Variants in DYNC1I1 observed in about 807,000 individuals in gnomAD.
DYNC1I1 encodes cytoplasmic dynein 1 intermediate chain 1.
In DYNC1I1, 43 loss-of-function variants were observed where a neutral mutation model predicts 86.6. The ratio of observed to expected loss-of-function variants is 0.50; its 90% CI spans 0.39 to 0.64. The LOEUF (loss-of-function observed/expected upper bound fraction) is 0.64, where lower values mean the gene tolerates loss of function less well. Among genes scored for constraint, DYNC1I1 ranks in the 30% least tolerant of loss-of-function variants. The pLI, the probability that DYNC1I1 is intolerant of heterozygous loss-of-function variation, is 0.00. For missense variants in DYNC1I1, 604 were observed against 788.8 expected (o/e 0.77, Z 2.81); for synonymous variants, 262 against 283.7 (o/e 0.92, Z 0.77).
intron 10 of DYNC1I1, among the ~76,000 whole-genome samples, chr7:96,010,337 G>A (rs1276013134): frequency 1.3e-5 from 2 of 152,164 alleles, no homozygotes; most frequent in African/African-American, 2.4e-5. Context: ...TTGGAAGTCC[G>A]AGCTAGCTCG....
At chr7:96,097,389 G>A in intron 16 of DYNC1I1, 94 bp from the exon 17 acceptor site, 1 of 1,353,736 alleles carries the variant, frequency 7.4e-7, no homozygotes, top group Non-Finnish European at 1.0e-6. Flanking sequence ...CTGCTTTGGA[G>A]GGTGTGGGGG....
chr7:95,887,864 G>A (rs17167225), intron 6 of DYNC1I1, among the ~76,000 whole-genome samples: 11,566 of 152,060 alleles, frequency 0.076, 1,055 homozygotes, highest in African/African-American at 0.21. Context: ...GAGAGTTTCC[G>A]TAGCTTTAAT....
chr7:96,030,619 G>A (rs1008437909), intron 11 of DYNC1I1, among the ~76,000 whole-genome samples: 2 of 152,076 alleles, frequency 1.3e-5, no homozygotes, highest in East Asian at 1.9e-4. Flanking sequence ...GATGCTCAGT[G>A]GTTATCAAAG....
chr7:95,860,813 A>G (rs2600561), intron 5 of DYNC1I1, among the ~76,000 whole-genome samples: 110,193 of 151,692 alleles, frequency 0.73, 41,541 homozygotes, highest in Non-Finnish European at 0.84. Flanking sequence ...GAAGGCAGAC[A>G]GGCAAAAAAT....
At chr7:95,954,085 T>C (rs1792633435) in intron 6 of DYNC1I1, among the ~76,000 whole-genome samples, 1 of 151,956 alleles carries the variant, frequency 6.6e-6, no homozygotes, top group South Asian at 2.1e-4. Context: ...AAGGCAGCAG[T>C]AGGGCCGGGA....
At chr7:95,872,949 T>G (rs1189917297) in intron 6 of DYNC1I1, among the ~76,000 whole-genome samples, 2 of 152,188 alleles carry the variant, frequency 1.3e-5, no homozygotes, top group Non-Finnish European at 2.9e-5. Context: ...GCATGGCTTA[T>G]CCTGAGTACC....
chr7:95,907,730 A>G (rs1237791293), intron 6 of DYNC1I1, among the ~76,000 whole-genome samples: 1 of 150,962 alleles, frequency 6.6e-6, no homozygotes, highest in African/African-American at 2.4e-5. Flanking sequence ...GTTCTCAAGT[A>G]GACCACAGGG....
intron 14 of DYNC1I1, among the ~76,000 whole-genome samples, chr7:96,049,636 A>G (rs537587986): frequency 2.6e-5 from 4 of 152,166 alleles, no homozygotes; most frequent in Admixed American, 2.6e-4. Context: ...ATAAGGAAAA[A>G]TCCTCCAAAT....
At chr7:95,804,498 A>T in intron 1 of DYNC1I1, 3 of 826,310 alleles carry the variant, frequency 3.6e-6, no homozygotes, top group Non-Finnish European at 5.1e-6. Context: ...ATTTCTTCAG[A>T]TATTTATGTA....
At chr7:95,795,645 CA>C (rs1247423808) in intron 1 of DYNC1I1, among the ~76,000 whole-genome samples, 1 of 151,980 alleles carries the variant, frequency 6.6e-6, no homozygotes, top group Non-Finnish European at 1.5e-5. Context: ...AATGGGAAAC[CA>C]AATACCAGAT....
intron 1 of DYNC1I1, among the ~76,000 whole-genome samples, 167 bp downstream of exon 1, chr7:95,772,940 C>G (rs28690518): frequency 0.016 from 2,499 of 152,276 alleles, 56 homozygotes; most frequent in African/African-American, 0.057. Flanking sequence ...CTGCGTGCTC[C>G]GCTGAGCCCG....
chr7:96,104,680 A>G (rs992835106), intron 16 of DYNC1I1, among the ~76,000 whole-genome samples: 3 of 152,122 alleles, frequency 2.0e-5, no homozygotes, highest in Non-Finnish European at 4.4e-5. Context: ...ACAATTGTCC[A>G]TATATGTATA....
chr7:95,912,376 A>G (rs971627412), intron 6 of DYNC1I1, among the ~76,000 whole-genome samples: 2 of 152,138 alleles, frequency 1.3e-5, no homozygotes, highest in Non-Finnish European at 2.9e-5. Context: ...GAGGAAAGGC[A>G]GTTCTGGAGT....
chr7:95,847,278 G>C (rs934899371), intron 5 of DYNC1I1, among the ~76,000 whole-genome samples: 1 of 152,048 alleles, frequency 6.6e-6, no homozygotes, highest in Non-Finnish European at 1.5e-5. Flanking sequence ...TCGTCACCCT[G>C]GACCAAATCT....
chr7:96,024,352 C>T, intron 10 of DYNC1I1, among the ~76,000 whole-genome samples: 1 of 152,126 alleles, frequency 6.6e-6, no homozygotes, highest in South Asian at 2.1e-4. Flanking sequence ...CCACCTTGGC[C>T]TCCCAAAGTT....
At chr7:96,024,243 A>G (rs910091076) in intron 10 of DYNC1I1, among the ~76,000 whole-genome samples, 1 of 152,094 alleles carries the variant, frequency 6.6e-6, no homozygotes, top group African/African-American at 2.4e-5. Flanking sequence ...CACTTACGTA[A>G]ACTACTTGAT....
chr7:95,902,887 T>C (rs1346617581), intron 6 of DYNC1I1, among the ~76,000 whole-genome samples: 1 of 152,192 alleles, frequency 6.6e-6, no homozygotes, highest in Non-Finnish European at 1.5e-5. Flanking sequence ...GTTTAATTCA[T>C]GTGTGAAAAC....
At chr7:95,840,861 G>A (rs928908762) in intron 5 of DYNC1I1, among the ~76,000 whole-genome samples, 3 of 152,128 alleles carry the variant, frequency 2.0e-5, no homozygotes, top group Non-Finnish European at 4.4e-5. Flanking sequence ...GTAGCAGTTG[G>A]AATAAATGAT....
intron 14 of DYNC1I1, among the ~76,000 whole-genome samples, chr7:96,068,444 A>G (rs1188116157): frequency 6.6e-6 from 1 of 152,220 alleles, no homozygotes; most frequent in Non-Finnish European, 1.5e-5. Flanking sequence ...GCAGAGCTAC[A>G]TAAAAAACCT....
Sources: allele counts gnomAD v4.1 joint callset (sites outside exome capture counted in the v4.1 genomes callset), GRCh38; gene constraint gnomAD v4.1.1; transcripts MANE v1.5; gene names NCBI Gene and HGNC (gene_info 2026-07-23, HGNC 2026-07-21).